Variants in PCDHGA6 observed in about 807,000 individuals in gnomAD.
PCDHGA6 encodes the protein protocadherin gamma-A6.
PCDHGA6 carries 41 observed loss-of-function variants against 60.6 expected under a neutral mutation model. The observed-to-expected ratio is 0.68, with a 90% CI of 0.53 to 0.88. The LOEUF is 0.88. Among genes scored for constraint, PCDHGA6 ranks in the 40% least tolerant of loss-of-function variants. PCDHGA6 has a pLI of 0.00. For missense variants in PCDHGA6, 1,312 were observed against 1,203.0 expected (o/e 1.09, Z -1.34); for synonymous variants, 594 against 524.4 (o/e 1.13, Z -1.81).
rs201704748 is a variant in PCDHGA6, at chr5:141,431,453, G to A, written c.2424+54946G>A. The A allele has an allele frequency of 5.7e-4, 914 of 1,613,802 alleles. 10 individuals are homozygous for A. The South Asian group carries it at 9.6e-3, about 17-fold the overall frequency. ...AGGCACCGCGCGCATCCGCGTGATG[G>A]TTCTGGATGCGAACGACAACGCACC... On this transcript the variant is annotated intron_variant, in intron 1 of 3. Coordinates refer to ENST00000517434, the MANE Select transcript of PCDHGA6 (RefSeq NM_018919.3). This position sits in a 1 kb window ranked among gnomAD's most constrained non-coding sequence, Gnocchi z 4.8.
At chr5:141,379,717 G>A (rs1775773176) in intron 1 of PCDHGA6, 1 of 152,104 alleles carries the variant, frequency 6.6e-6, no homozygotes, top group Non-Finnish European at 1.5e-5. Context: ...GGCAGTCATG[G>A]AATTTGCTAA....
chr5:141,431,442 TCC>T lies in PCDHGA6; in HGVS notation c.2424+54936_2424+54937del. ...CCGGTGCGCACAGGCACCGCGCGCATCCGCGTGATGGTTCTGGATGCGAACGA... is the reference window on the plus strand; with the variant it reads ...CCGGTGCGCACAGGCACCGCGCGCATGCGTGATGGTTCTGGATGCGAACGA... On this transcript the variant is annotated intron_variant, in intron 1 of 3. Transcript: ENST00000517434. This position sits in a 1 kb window ranked among gnomAD's most constrained non-coding sequence, Gnocchi z 4.8. 1 of 1,613,746 alleles carries T rather than the reference TCC, an allele frequency of 6.2e-7. No homozygotes were observed. The highest frequency in any genetic ancestry group is 1.3e-5 in the African/African-American group (1 of 75,074).
At chr5:141,420,692 A>G (rs2096518268) in intron 1 of PCDHGA6, among the ~76,000 whole-genome samples, 1 of 152,228 alleles carries the variant, frequency 6.6e-6, no homozygotes, top group Admixed American at 6.5e-5. Context: ...GGACCGTATT[A>G]TTTCCACTTC....
intron 1 of PCDHGA6, chr5:141,413,078 C>T: frequency 7.7e-7 from 1 of 1,301,152 alleles, no homozygotes; most frequent in Non-Finnish European, 1.1e-6. Flanking sequence ...AGTGCCCAGG[C>T]TACAGAGACA....
At chr5:141,396,661 A>T (rs2093417070) in intron 1 of PCDHGA6, 1 of 152,162 alleles carries the variant, frequency 6.6e-6, no homozygotes, top group Admixed American at 6.5e-5. Flanking sequence ...AACTCGGTAT[A>T]GGCTATCCAT....
intron 1 of PCDHGA6, chr5:141,441,260 A>G (rs1217151195): frequency 1.3e-5 from 2 of 152,222 alleles, no homozygotes; most frequent in Non-Finnish European, 2.9e-5. Context: ...AAATCACAAG[A>G]TCTGGATTCG....
intron 1 of PCDHGA6, chr5:141,403,422 C>G: frequency 6.2e-7 from 1 of 1,614,030 alleles, no homozygotes; most frequent in Non-Finnish European, 8.5e-7. Flanking sequence ...CTTCCAGAAG[C>G]TATTGATCCG....
In PCDHGA6 at chr5:141,383,904, C is replaced by T. The variant is rs759650044; in HGVS notation, c.2424+7397C>T. ...GTCTGACAAAGGCAAAAGTACTGAT[C>T]ACAGTTTTAGATGTAAATGATAATG... On this transcript the variant is annotated intron_variant, in intron 1 of 3. Coordinates refer to ENST00000517434, the MANE Select transcript of PCDHGA6 (RefSeq NM_018919.3). The T allele has an allele frequency of 1.1e-5, 18 of 1,613,626 alleles. No homozygotes were observed. The South Asian group carries it at 1.8e-4, about 16-fold the overall frequency.
At chr5:141,412,987 A>T (rs192699644) in intron 1 of PCDHGA6, 1 of 564,522 alleles carries the variant, frequency 1.8e-6, no homozygotes, top group African/African-American at 1.9e-5. Flanking sequence ...GCCAGAGCTC[A>T]ATCCGGATTC....
chr5:141,486,653 C>G lies in PCDHGA6; in HGVS notation c.2425-8154C>G. On this transcript the variant is annotated intron_variant, in intron 1 of 3. Transcript: ENST00000517434. This position sits in a 1 kb window ranked among gnomAD's most constrained non-coding sequence, Gnocchi z 5.0. ...CTTGAATGCGCTTATCTCCTACTCA[C>G]TCCTGGAGCCCAGGAATCGAGATGT... is the stretch of plus-strand genomic sequence containing the variant. 1 of 1,613,968 alleles carries G rather than the reference C, an allele frequency of 6.2e-7. No individual in the cohort carries two copies. Among genetic ancestry groups the G allele is most frequent in the Non-Finnish European group, 8.5e-7 (1 of 1,180,034 alleles).
Position 141,415,188 on chromosome 5 carries a change from C to G in PCDHGA6, c.2424+38681C>G, listed in dbSNP as rs2095841560. On this transcript the variant is annotated intron_variant, in intron 1 of 3. Coordinates refer to ENST00000517434, the MANE Select transcript of PCDHGA6 (RefSeq NM_018919.3). Reference sequence around the variant, plus strand: ...CGCTCACCGTGGCCGTGGCCGACAGCATCCCCCAAGTCCTGGCGGACCTCG... The same window carrying G: ...CGCTCACCGTGGCCGTGGCCGACAGGATCCCCCAAGTCCTGGCGGACCTCG... 3 of 1,614,006 alleles carry G rather than the reference C, an allele frequency of 1.9e-6. No homozygotes were observed. The East Asian group carries it at 6.7e-5, about 36-fold the overall frequency.
At chr5:141,417,538 A>G (rs2154547037) in intron 1 of PCDHGA6, 2 of 297,748 alleles carry the variant, frequency 6.7e-6, no homozygotes, top group East Asian at 6.0e-5. Flanking sequence ...AGTTTAAAAA[A>G]AATTCCTTGA....
rs2099403992 is a variant in PCDHGA6, at chr5:141,477,030, C to T, written c.2425-17777C>T. On this transcript the variant is annotated intron_variant, in intron 1 of 3. Transcript: ENST00000517434. This position sits in a 1 kb window ranked among gnomAD's most constrained non-coding sequence, Gnocchi z 4.9. ...TTAGACCTTGTAACCGGGATGCTGACAATCAAGGGTCGGCTGGACTTCGAG... is the reference window on the plus strand; with the variant it reads ...TTAGACCTTGTAACCGGGATGCTGATAATCAAGGGTCGGCTGGACTTCGAG... The T allele has an allele frequency of 1.2e-6, 2 of 1,614,272 alleles. No homozygotes were observed. The highest frequency in any genetic ancestry group is 1.6e-4 in the Middle Eastern group (1 of 6,062).
Position 141,476,944 on chromosome 5 carries a change from C to A in PCDHGA6, c.2425-17863C>A. The A allele has an allele frequency of 1.9e-6, 3 of 1,614,188 alleles. No individual in the cohort carries two copies. The highest frequency in any genetic ancestry group is 2.5e-6 in the Non-Finnish European group (3 of 1,180,044). ...CAACGGATCTGGATGAAGGCCCCAA[C>A]GGTGAAATTATTTACTCCTTCGGCA... On this transcript the variant is annotated intron_variant, in intron 1 of 3. Transcript: ENST00000517434. This position sits in a 1 kb window ranked among gnomAD's most constrained non-coding sequence, Gnocchi z 7.6.
At chr5:141,463,682 G>A (rs62379195) in intron 1 of PCDHGA6, among the ~76,000 whole-genome samples, 7,165 of 151,926 alleles carry the variant, frequency 0.047, 241 homozygotes, top group Middle Eastern at 0.095. Context: ...GGATGACCTC[G>A]TGATCTGCTC....
intron 1 of PCDHGA6, chr5:141,408,397 G>T: frequency 6.2e-7 from 1 of 1,614,068 alleles, no homozygotes; most frequent in Non-Finnish European, 8.5e-7. Context: ...CGGCTCGCAA[G>T]CTGCGAGTGA....
intron 1 of PCDHGA6, chr5:141,421,898 A>T: frequency 6.2e-7 from 1 of 1,613,736 alleles, no homozygotes; most frequent in Non-Finnish European, 8.5e-7. Flanking sequence ...CCCATCCGAA[A>T]GGGCGCAGTT....
intron 1 of PCDHGA6, chr5:141,410,406 C>A (rs1361000460): frequency 6.2e-7 from 1 of 1,614,050 alleles, no homozygotes; most frequent in Non-Finnish European, 8.5e-7. Flanking sequence ...TGTGTCAAGT[C>A]TGGACCTGTA....
chr5:141,433,032 C>G, intron 1 of PCDHGA6: 1 of 1,614,188 alleles, frequency 6.2e-7, no homozygotes, highest in Non-Finnish European at 8.5e-7. Context: ...CACGAGGTTT[C>G]CCTCACCACG....
Sources: allele counts gnomAD v4.1 joint callset (sites outside exome capture counted in the v4.1 genomes callset), GRCh38; gene constraint gnomAD v4.1.1; non-coding constraint Gnocchi (gnomAD v3.1); transcripts MANE v1.5; gene names NCBI Gene and HGNC (gene_info 2026-07-23, HGNC 2026-07-21).